The following CEP57L1 variants were observed in gnomAD, a reference collection of about 807,000 sequenced individuals.
The protein encoded by CEP57L1 is centrosomal protein 57 like 1.
A neutral mutation model predicts 61.0 loss-of-function variants in CEP57L1; 37 were observed. The ratio of observed to expected loss-of-function variants is 0.61; its 90% CI spans 0.47 to 0.80. The LOEUF (loss-of-function observed/expected upper bound fraction) is 0.80. CEP57L1 is among the 30% of genes least tolerant of loss of function. The probability of loss-of-function intolerance (pLI) is 0.00; values close to 1 mark genes in which losing one functional copy is unlikely to be tolerated. For synonymous variants in CEP57L1, 137 were observed against 162.3 expected, an observed-to-expected ratio of 0.84 and a Z score of 1.19; for missense variants, 422 against 524.7, an observed-to-expected ratio of 0.80 and a Z score of 1.91.
chr6:109,108,410 C>T (rs1204773128), intron 1 of CEP57L1, among the ~76,000 whole-genome samples: 1 of 152,052 alleles, frequency 6.6e-6, no homozygotes, highest in Non-Finnish European at 1.5e-5. Context: ...CAGGGTTTCA[C>T]TATTTTGGCC....
At position 109,169,189 on chromosome 6, in the gene CEP57L1, G is replaced by GC. The variant is rs1190644344; in HGVS notation, c.*6220dup. 7.2e-6 allele frequency among the ~76,000 whole-genome samples: 1 copy of GC among 138,958 alleles called. No individual in the cohort carries two copies. The highest frequency in any genetic ancestry group is 1.5e-5 in the Non-Finnish European group (1 of 66,120). 91.2% of individuals were successfully genotyped at this position (138,958 alleles called of 152,430 possible). A position where few individuals can be genotyped will look rare whatever the true frequency, so the allele number is the denominator to read the frequency against. On this transcript the variant is annotated 3_prime_UTR_variant, in exon 11 of 11. Coordinates refer to ENST00000517392, the MANE Select transcript of CEP57L1 (RefSeq NM_001271852.3). ...TGCAGTAAGCTGAGATTGTGCCACT[G>GC]CACTCTAGCCTGAGCAGCAGAGTGA...
In CEP57L1 at chr6:109,166,332, G is replaced by A. The variant is rs144838961; in HGVS notation, c.*3362G>A. On this transcript the variant is annotated 3_prime_UTR_variant, in exon 11 of 11. Coordinates refer to ENST00000517392, the MANE Select transcript of CEP57L1 (RefSeq NM_001271852.3). ...TTTTTCTATACCTGCCAGTAGATGT[G>A]AGAGCTTTTCTTACTTTAAAAGTGT... Among the ~76,000 whole-genome samples, 1,018 of 151,022 alleles carry A rather than the reference G, an allele frequency of 6.7e-3. 11 individuals are homozygous for A. The highest frequency in any genetic ancestry group is 0.023 in the African/African-American group (950 of 41,202).
chr6:109,130,338 T>C (rs957053306), intron 1 of CEP57L1, among the ~76,000 whole-genome samples: 2 of 152,146 alleles, frequency 1.3e-5, no homozygotes, highest in Admixed American at 6.5e-5. Flanking sequence ...ATGTTTGTCT[T>C]TTCTGTGATT....
chr6:109,112,785 A>G (rs1314497568), intron 1 of CEP57L1, among the ~76,000 whole-genome samples: 1 of 152,164 alleles, frequency 6.6e-6, no homozygotes, highest in African/African-American at 2.4e-5. Context: ...GTTATTCGGG[A>G]GCAGGTTATT....
chr6:109,156,678 A>T (rs1773251326), intron 7 of CEP57L1: 1 of 152,176 alleles, frequency 6.6e-6, no homozygotes, highest in African/African-American at 2.4e-5. Context: ...GGGACAGGAG[A>T]TGCTATTTGG....
chr6:109,139,308 G>T (rs1562105454), intron 1 of CEP57L1, among the ~76,000 whole-genome samples: 2 of 152,062 alleles, frequency 1.3e-5, no homozygotes, highest in African/African-American at 4.8e-5. Flanking sequence ...GGTATTTTCA[G>T]TTTAAAAAAT....
intron 1 of CEP57L1, among the ~76,000 whole-genome samples, chr6:109,135,229 G>T (rs1242456357): frequency 2.0e-5 from 3 of 152,060 alleles, no homozygotes; most frequent in Admixed American, 2.0e-4. Context: ...TAGACCAATG[G>T]AACAGAACAG....
rs114630610 is a variant in CEP57L1, at chr6:109,110,536, C to T, written c.-4+14961C>T. On this transcript the variant is annotated intron_variant, in intron 1 of 10. Transcript: ENST00000517392. Reference sequence around the variant, plus strand: ...AGAAGCTCTTTAGTTTAATCAGATCCAATTCGTCAATTTTTGGCTTTTGTT... The same window carrying T: ...AGAAGCTCTTTAGTTTAATCAGATCTAATTCGTCAATTTTTGGCTTTTGTT... Among the ~76,000 whole-genome samples, 1,266 of 152,258 alleles carry T rather than the reference C, an allele frequency of 8.3e-3. 24 individuals carry two copies. Among genetic ancestry groups the T allele is most frequent in the African/African-American group, 0.029 (1,209 of 41,536 alleles).
chr6:109,161,665 ATTGT>A, intron 10 of CEP57L1, among the ~76,000 whole-genome samples: 1 of 152,190 alleles, frequency 6.6e-6, no homozygotes, highest in East Asian at 1.9e-4. Context: ...TTTCTGTATG[ATTGT>A]TTTGGAGTGA....
chr6:109,134,689 T>C (rs942035665), intron 1 of CEP57L1, among the ~76,000 whole-genome samples: 1 of 152,200 alleles, frequency 6.6e-6, no homozygotes, highest in African/African-American at 2.4e-5. Context: ...AAAATCTCCT[T>C]AAGCTGATAA....
intron 10 of CEP57L1, 137 bp from the exon 11 acceptor site, chr6:109,162,612 T>C: frequency 1.6e-6 from 1 of 638,078 alleles, no homozygotes; most frequent in Non-Finnish European, 2.8e-6. Context: ...GTTCAATAAA[T>C]TAAAAACTTA....
intron 1 of CEP57L1, among the ~76,000 whole-genome samples, chr6:109,104,167 T>A (rs1026428408): frequency 2.6e-5 from 4 of 152,088 alleles, no homozygotes; most frequent in Non-Finnish European, 5.9e-5. Flanking sequence ...GTAACTTACT[T>A]TCTGTTTTAC....
intron 1 of CEP57L1, among the ~76,000 whole-genome samples, chr6:109,112,278 C>A (rs1345291501): frequency 1.3e-5 from 2 of 152,144 alleles, no homozygotes; most frequent in Non-Finnish European, 2.9e-5. Flanking sequence ...CGGAATTTAT[C>A]CATGTCTTCT....
rs375955824 is a variant in CEP57L1, at chr6:109,150,042, A to G, written c.341-76A>G. ...GGGCTGAGACAATGGGGTTTTCTAG[A>G]TATACAATCATGTCATCTGCAAACA... On this transcript the variant is annotated intron_variant, in intron 3 of 10. Transcript: ENST00000517392. 384 of 814,028 alleles carry G rather than the reference A, an allele frequency of 4.7e-4. No individual in the cohort carries two copies. In the African/African-American group the frequency reaches 6.6e-3, roughly 14 times the overall value. 50.4% of individuals were successfully genotyped at this position (814,028 alleles called of 1,614,324 possible).
chr6:109,125,166 A>G (rs962238506), intron 1 of CEP57L1: 1 of 152,152 alleles, frequency 6.6e-6, no homozygotes, highest in African/African-American at 2.4e-5. Flanking sequence ...ATTGTGCATA[A>G]TTAAAATGCT....
intron 1 of CEP57L1, among the ~76,000 whole-genome samples, chr6:109,117,884 G>T (rs970037300): frequency 6.6e-6 from 1 of 152,132 alleles, no homozygotes; most frequent in African/African-American, 2.4e-5. Flanking sequence ...TATTTTGGCT[G>T]CTGGTGGTAA....
chr6:109,125,810 A>G (rs1261585817), intron 1 of CEP57L1, among the ~76,000 whole-genome samples: 1 of 152,066 alleles, frequency 6.6e-6, no homozygotes, highest in Non-Finnish European at 1.5e-5. Context: ...TATAATAAAC[A>G]TTATAAGAAT....
In CEP57L1 at chr6:109,166,381, CTT is replaced by C. The variant is rs559614206; in HGVS notation, c.*3426_*3427del. ...GTAATTTTAACTATAAATGTATATT[CTT>C]TTTTTTTTTTTTTTGGTGGGCATGG... On this transcript the variant is annotated 3_prime_UTR_variant, in exon 11 of 11. Coordinates refer to ENST00000517392, the MANE Select transcript of CEP57L1 (RefSeq NM_001271852.3). Among the ~76,000 whole-genome samples the C allele has an allele frequency of 3.1e-4, 42 of 134,408 alleles. No individual in the cohort carries two copies. The highest frequency in any genetic ancestry group is 6.0e-4 in the Admixed American group (8 of 13,308). 88.2% of individuals were successfully genotyped at this position (134,408 alleles called of 152,430 possible). A position where few individuals can be genotyped will look rare whatever the true frequency, so the allele number is the denominator to read the frequency against.
chr6:109,153,108 C>CAAAAA, intron 4 of CEP57L1, among the ~76,000 whole-genome samples: 2 of 91,448 alleles, frequency 2.2e-5, no homozygotes, highest in South Asian at 6.4e-4. Flanking sequence ...GACTCTGTCT[C>CAAAAA]AAAAAAAAAA....
Sources: allele counts gnomAD v4.1 joint callset (sites outside exome capture counted in the v4.1 genomes callset), GRCh38; gene constraint gnomAD v4.1.1; transcripts MANE v1.5; gene names NCBI Gene and HGNC (gene_info 2026-07-23, HGNC 2026-07-21).